TENM2: variants seen among roughly 807,000 people sequenced by gnomAD.
The protein encoded by TENM2 is teneurin-2.
TENM2 carries 52 observed loss-of-function variants against 245.2 expected under a neutral mutation model. The ratio of observed to expected loss-of-function variants is 0.21; its 90% CI spans 0.17 to 0.27. The LOEUF (loss-of-function observed/expected upper bound fraction) is 0.27. Ranked by LOEUF, TENM2 falls within the 10% of genes least tolerant of loss-of-function variation. The pLI, the probability that TENM2 is intolerant of heterozygous loss-of-function variation, is 1.00. For synonymous variants in TENM2, 1,363 were observed against 1,438.9 expected, an observed-to-expected ratio of 0.95 and a Z score of 1.19; for missense variants, 3,046 against 3,666.8, an observed-to-expected ratio of 0.83 and a Z score of 4.37.
chr5:167,893,393 T>C (rs1351927660), intron 3 of TENM2, among the ~76,000 whole-genome samples: 1 of 152,154 alleles, frequency 6.6e-6, no homozygotes, highest in Non-Finnish European at 1.5e-5. Context: ...TATATTGTAG[T>C]AGAAAATTCC....
At chr5:167,430,705 G>T (rs148103757) in intron 2 of TENM2, among the ~76,000 whole-genome samples, 1 of 152,090 alleles carries the variant, frequency 6.6e-6, no homozygotes, top group Non-Finnish European at 1.5e-5. Flanking sequence ...TGGGCTTTAG[G>T]GGTTTTGAAA....
intron 2 of TENM2, among the ~76,000 whole-genome samples, chr5:167,762,894 G>C (rs968492172): frequency 6.6e-6 from 1 of 152,178 alleles, no homozygotes; most frequent in Admixed American, 6.5e-5. Flanking sequence ...TGGGGCTACA[G>C]AACATCTGCC....
At chr5:168,137,865 A>C (rs773735809) in intron 12 of TENM2, among the ~76,000 whole-genome samples, 3 of 152,202 alleles carry the variant, frequency 2.0e-5, no homozygotes, top group Non-Finnish European at 4.4e-5. Flanking sequence ...AAGAAAGATC[A>C]GTATCTATTC....
At chr5:167,134,729 C>T in the TENM2 span, among the ~76,000 whole-genome samples, 1 of 152,252 alleles carries the variant, frequency 6.6e-6, no homozygotes, top group African/African-American at 2.4e-5. Context: ...TTGGACAGAG[C>T]CATTACCAGT....
At chr5:167,831,485 C>CTTTT (rs10667494) in intron 2 of TENM2, among the ~76,000 whole-genome samples, 7 of 127,756 alleles carry the variant, frequency 5.5e-5, no homozygotes, top group Non-Finnish European at 8.1e-5. Flanking sequence ...GAGTTCAGCA[C>CTTTT]TTTTTTTTTT....
At chr5:168,004,517 G>GCGCGCGCACACA (rs898616203) in intron 5 of TENM2, among the ~76,000 whole-genome samples, 32 of 132,150 alleles carry the variant, frequency 2.4e-4, no homozygotes, top group African/African-American at 8.8e-4. Context: ...GCGCGCGCGC[G>GCGCGCGCACACA]CACACACACA....
the TENM2 span, among the ~76,000 whole-genome samples, chr5:167,124,434 A>T: frequency 6.6e-6 from 1 of 152,232 alleles, no homozygotes; most frequent in Non-Finnish European, 1.5e-5. Flanking sequence ...TAAAATTGAT[A>T]TAAAATACAA....
At chr5:167,347,698 C>T (rs919199867) in intron 1 of TENM2, among the ~76,000 whole-genome samples, 1 of 151,986 alleles carries the variant, frequency 6.6e-6, no homozygotes, top group Non-Finnish European at 1.5e-5. Context: ...TTCTTTCTCC[C>T]TTCCTCCCTT....
At chr5:167,020,518 G>T in the TENM2 span, among the ~76,000 whole-genome samples, 1 of 152,206 alleles carries the variant, frequency 6.6e-6, no homozygotes, top group East Asian at 1.9e-4. Context: ...CTAAAGTGGG[G>T]TGAAAGGTTT....
intron 1 of TENM2, among the ~76,000 whole-genome samples, chr5:167,287,134 C>T (rs181391843): frequency 6.6e-6 from 1 of 152,318 alleles, no homozygotes; most frequent in African/African-American, 2.4e-5. Flanking sequence ...AAAATGTAGT[C>T]AGAGTCTGAG....
intron 4 of TENM2, among the ~76,000 whole-genome samples, chr5:167,983,120 C>A (rs375579731): frequency 6.6e-6 from 1 of 151,510 alleles, no homozygotes; most frequent in Non-Finnish European, 1.5e-5. Context: ...TATATCAAGA[C>A]TCTTACCAAT....
the TENM2 span, among the ~76,000 whole-genome samples, chr5:167,079,372 G>A: frequency 6.7e-6 from 1 of 150,050 alleles, no homozygotes; most frequent in Non-Finnish European, 1.5e-5. Context: ...GGAGTGCAAT[G>A]GTGTGATCTC....
At chr5:167,981,073 C>T (rs769289121) in intron 4 of TENM2, among the ~76,000 whole-genome samples, 3 of 152,218 alleles carry the variant, frequency 2.0e-5, no homozygotes, top group Non-Finnish European at 4.4e-5. Flanking sequence ...CATCCAGTGA[C>T]TGGTCCGAGT....
At chr5:167,617,465 A>T (rs1018155943) in intron 2 of TENM2, among the ~76,000 whole-genome samples, 3 of 152,186 alleles carry the variant, frequency 2.0e-5, no homozygotes, top group Admixed American at 6.5e-5. Flanking sequence ...AAAGTCAAAA[A>T]ATTCAATGTA....
intron 2 of TENM2, among the ~76,000 whole-genome samples, chr5:167,632,349 C>T (rs966420114): frequency 1.3e-5 from 2 of 152,188 alleles, no homozygotes; most frequent in East Asian, 3.9e-4. Context: ...AATTGTTCTA[C>T]ATGCCTTGGG....
intron 13 of TENM2, among the ~76,000 whole-genome samples, chr5:168,177,484 T>C (rs1759460973): frequency 6.6e-6 from 1 of 152,216 alleles, no homozygotes; most frequent in African/African-American, 2.4e-5. Flanking sequence ...CTAGATCCCG[T>C]GATCATAATT....
chr5:168,034,333 T>G (rs2151970451), intron 5 of TENM2, among the ~76,000 whole-genome samples: 1 of 137,174 alleles, frequency 7.3e-6, no homozygotes, highest in South Asian at 2.3e-4. Flanking sequence ...AGAGTGAGAC[T>G]CCGTCTAAAA....
chr5:167,213,982 A>G, the TENM2 span, among the ~76,000 whole-genome samples: 1 of 152,348 alleles, frequency 6.6e-6, no homozygotes, highest in South Asian at 2.1e-4. Context: ...TTTGGACAGA[A>G]GTGGAATAAT....
chr5:168,083,930 C>G (rs1378352348), intron 7 of TENM2, among the ~76,000 whole-genome samples: 1 of 152,150 alleles, frequency 6.6e-6, no homozygotes, highest in Non-Finnish European at 1.5e-5. Context: ...TCTCCGCCCT[C>G]TCTAATAGTC....
Sources: allele counts gnomAD v4.1 joint callset (sites outside exome capture counted in the v4.1 genomes callset), GRCh38; gene constraint gnomAD v4.1.1; transcripts MANE v1.5; gene names NCBI Gene and HGNC (gene_info 2026-07-23, HGNC 2026-07-21).